P4HA3: variants seen among roughly 807,000 people sequenced by gnomAD.
The protein encoded by P4HA3 is prolyl 4-hydroxylase subunit alpha-3.
A neutral mutation model predicts 66.7 loss-of-function variants in P4HA3; 60 were observed. The ratio of observed to expected loss-of-function variants is 0.90; its 90% CI spans 0.73 to 1.12. The LOEUF (loss-of-function observed/expected upper bound fraction) is 1.12, where lower values mean the gene tolerates loss of function less well. Ranked by LOEUF, P4HA3 falls within the 50% of genes most tolerant of loss-of-function variation. The pLI, the probability that P4HA3 is intolerant of heterozygous loss-of-function variation, is 0.00. For missense variants in P4HA3, 683 were observed against 685.8 expected (o/e 1.00, Z 0.05); for synonymous variants, 263 against 274.6 (o/e 0.96, Z 0.42).
intron 4 of P4HA3, among the ~76,000 whole-genome samples, chr11:74,293,221 G>A (rs1861094308): frequency 6.6e-6 from 1 of 151,786 alleles, no homozygotes; most frequent in Admixed American, 6.6e-5. Context: ...TGTCTCTTTT[G>A]ATCTTTGTTG....
chr11:74,285,272 G>C (rs1165355628), intron 7 of P4HA3, among the ~76,000 whole-genome samples: 4 of 152,006 alleles, frequency 2.6e-5, no homozygotes, highest in African/African-American at 9.7e-5. Flanking sequence ...AGCTTAACAA[G>C]TCCCTTCCCC....
At chr11:74,278,897 G>A (rs957850038) in intron 8 of P4HA3, among the ~76,000 whole-genome samples, 6 of 152,110 alleles carry the variant, frequency 3.9e-5, no homozygotes, top group Admixed American at 1.3e-4. Context: ...GGGCTGCAGT[G>A]GGGGGTGGGC....
intron 7 of P4HA3, among the ~76,000 whole-genome samples, chr11:74,284,506 A>G (rs143751643): frequency 6.6e-6 from 1 of 152,324 alleles, no homozygotes; most frequent in African/African-American, 2.4e-5. Context: ...TTCAATCAAA[A>G]TTTAATCTAA....
rs552934618 is a variant in P4HA3 at position 74,301,751 on chromosome 11, TG to T, written c.567+617del. On this transcript the variant is annotated intron_variant, in intron 3 of 12. Coordinates refer to ENST00000331597, the MANE Select transcript of P4HA3 (RefSeq NM_182904.5). ...TCAAAGATCAGTTAAATACCTCAGA[TG>T]GGGGGCGGGGGTGTTCCTGAAGTCT... Among the ~76,000 whole-genome samples, 520 of 151,766 alleles carry T rather than the reference TG, an allele frequency of 3.4e-3. 2 individuals are homozygous for T. The highest frequency in any genetic ancestry group is 5.6e-3 in the Non-Finnish European group (383 of 67,840).
intron 5 of P4HA3, among the ~76,000 whole-genome samples, chr11:74,288,841 C>T (rs564639737): frequency 9.1e-4 from 135 of 148,258 alleles, no homozygotes; most frequent in African/African-American, 3.1e-3. Context: ...CCCAGCTACT[C>T]GGGAGGCTGA....
intron 10 of P4HA3, 69 bp downstream of exon 10, chr11:74,273,476 C>A: frequency 1.5e-6 from 2 of 1,308,834 alleles, no homozygotes; most frequent in Non-Finnish European, 2.0e-6. Flanking sequence ...CGTGAAATTG[C>A]TTTGAAAACA....
chr11:74,257,648 G>C (rs117579316), intron 15 of P4HA3, among the ~76,000 whole-genome samples: 59 of 152,284 alleles, frequency 3.9e-4, no homozygotes, highest in Non-Finnish European at 6.6e-4. Flanking sequence ...GGAGTTTCCA[G>C]AAGTTATTAA....
Position 74,286,291 on chromosome 11 carries a change from G to A in P4HA3, c.870C>T (p.Pro290=), listed in dbSNP as rs1179796748. ...HVVAEAVIQR[P]NIPHLQTRDT... is the part of the protein sequence containing the mutation. ...CTCTGGTCTGCAGGTGGGGTATATT[G>A]GGCCTCTGGATGACAGCCTCAGCTA... Residue 290 remains proline (P), a synonymous_variant, in exon 6 of 13, where the codon CCC becomes CCT. Coordinates refer to ENST00000331597, the MANE Select transcript of P4HA3 (RefSeq NM_182904.5). 2.5e-6 allele frequency: 4 copies of A among 1,612,138 alleles called. No individual in the cohort carries two copies. The African/African-American group carries it at 5.3e-5, about 22-fold the overall frequency.
At chr11:74,281,874 T>TAATAATA (rs1555087051) in intron 7 of P4HA3, among the ~76,000 whole-genome samples, 1 of 146,562 alleles carries the variant, frequency 6.8e-6, no homozygotes, top group Non-Finnish European at 1.5e-5. Context: ...TAAAGTATAA[T>TAATAATA]AATAATAATA....
At chr11:74,291,873 C>T (rs1010758237) in intron 4 of P4HA3, among the ~76,000 whole-genome samples, 1 of 152,032 alleles carries the variant, frequency 6.6e-6, no homozygotes, top group African/African-American at 2.4e-5. Flanking sequence ...ATTTTTGCAT[C>T]AATGTTCATC....
rs1037018696 is a variant in P4HA3 at position 74,269,829 on chromosome 11, C to T, written c.1399-109G>A. Reference sequence around the variant, plus strand: ...CCTTCTCATGGTCTTTTCTTCAACTCTGAGAGAAATACTTGAAAGACAATC... The same window carrying T: ...CCTTCTCATGGTCTTTTCTTCAACTTTGAGAGAAATACTTGAAAGACAATC... On this transcript the variant is annotated intron_variant, in intron 10 of 12. Coordinates refer to ENST00000331597, the MANE Select transcript of P4HA3 (RefSeq NM_182904.5). The T allele has an allele frequency of 5.7e-5, 63 of 1,107,802 alleles. No individual in the cohort carries two copies. The East Asian group carries it at 1.7e-3, about 30-fold the overall frequency. The allele number at this position is 1,107,802 out of a possible 1,614,324, so 68.6% of individuals were successfully genotyped here.
At chr11:74,270,687 A>C (rs1860165206) in intron 10 of P4HA3, among the ~76,000 whole-genome samples, 1 of 152,210 alleles carries the variant, frequency 6.6e-6, no homozygotes, top group Non-Finnish European at 1.5e-5. Context: ...CAGATAAAGA[A>C]ACCAAGTCTC....
rs1489328926 is a variant in P4HA3 at position 74,267,299 on chromosome 11, A to G, written c.1584T>C (p.His528=). The change falls in exon 13 of 13, where the codon CAT becomes CAC. Residue 528 remains histidine (H), a synonymous_variant. Coordinates refer to ENST00000331597, the MANE Select transcript of P4HA3 (RefSeq NM_182904.5). ...GTCTGCGGAATTCCTGTCCATACTC[A>G]TGTATCCACTTGTTGGCCACTGGGA... ...GDKWVANKWI[H]EYGQEFRRPC... The G allele has an allele frequency of 1.2e-6, 2 of 1,614,166 alleles. No homozygotes were observed. Among genetic ancestry groups the G allele is most frequent in the African/African-American group, 2.7e-5 (2 of 75,050 alleles).
At chr11:74,262,160 T>G (rs181325430), downstream of P4HA3, among the ~76,000 whole-genome samples, 24 of 152,258 alleles carry the variant, frequency 1.6e-4, no homozygotes, top group East Asian at 4.2e-3. Context: ...CCTTGAACCC[T>G]TAACCAAAAA....
At chr11:74,263,633 T>C (rs1348013248), downstream of P4HA3, among the ~76,000 whole-genome samples, 1 of 152,232 alleles carries the variant, frequency 6.6e-6, no homozygotes, top group Non-Finnish European at 1.5e-5. Flanking sequence ...TTTTGAGGCT[T>C]GAAGGAGACA....
intron 4 of P4HA3, among the ~76,000 whole-genome samples, chr11:74,294,577 T>G (rs1861149801): frequency 6.6e-6 from 1 of 152,230 alleles, no homozygotes; most frequent in African/African-American, 2.4e-5. Context: ...CTTTGTGGTT[T>G]TATCTACCTT....
intron 1 of P4HA3, 116 bp downstream of exon 1, chr11:74,311,296 G>T: frequency 8.3e-7 from 1 of 1,200,980 alleles, no homozygotes; most frequent in Non-Finnish European, 1.1e-6. Context: ...GTGGGTCTGG[G>T]GTCCCACGCA....
chr11:74,271,133 T>C (rs1434669412), intron 10 of P4HA3, among the ~76,000 whole-genome samples: 1 of 151,994 alleles, frequency 6.6e-6, no homozygotes, highest in Non-Finnish European at 1.5e-5. Flanking sequence ...GAGCAAGAGG[T>C]ATAGGAGGTA....
chr11:74,267,888 C>A (rs1860043377), intron 12 of P4HA3, among the ~76,000 whole-genome samples: 1 of 152,214 alleles, frequency 6.6e-6, no homozygotes, highest in African/African-American at 2.4e-5. Flanking sequence ...TCCTCTCTGG[C>A]AGTGCTCAGG....
Sources: allele counts gnomAD v4.1 joint callset (sites outside exome capture counted in the v4.1 genomes callset), GRCh38; gene constraint gnomAD v4.1.1; transcripts MANE v1.5; gene names NCBI Gene and HGNC (gene_info 2026-07-23, HGNC 2026-07-21).